ADGRA3: variants seen among roughly 807,000 people sequenced by gnomAD.
The protein encoded by ADGRA3 is adhesion G protein-coupled receptor A3.
In ADGRA3, 56 loss-of-function variants were observed where a neutral mutation model predicts 119.8. That is an observed-to-expected ratio of 0.47 (90% CI 0.38 to 0.58). The LOEUF is 0.58. Among genes scored for constraint, ADGRA3 ranks in the 20% least tolerant of loss-of-function variants. ADGRA3 has a pLI of 0.00. For missense variants in ADGRA3, 1,516 were observed against 1,649.0 expected, an observed-to-expected ratio of 0.92 and a Z score of 1.40; for synonymous variants, 607 against 623.8, an observed-to-expected ratio of 0.97 and a Z score of 0.40.
chr4:22,424,321 T>C lies in ADGRA3; in HGVS notation c.1475A>G (p.Asn492Ser). ...GACACGTTCATCAGCCAACATGATG[T>C]TACTTGCAATGTCAACCATCACGTC... Reference protein sequence around the residue: ...LGDVMVDIASNIMLADERVLW... With the variant: ...LGDVMVDIASSIMLADERVLW... Residue 492 changes from asparagine (N) to serine (S), a missense_variant, in exon 11 of 19, where the codon AAC becomes AGC. This residue lies in a region of ADGRA3 where 1,088 missense variants were observed against 1,107.1 expected (regional missense o/e 0.98). Coordinates refer to ENST00000334304, the MANE Select transcript of ADGRA3 (RefSeq NM_145290.4). 6.2e-7 allele frequency: 1 copy of C among 1,613,748 alleles called. No individual in the cohort carries two copies.
intron 6 of ADGRA3, 138 bp from the exon 7 acceptor site, chr4:22,443,001 T>A: frequency 1.4e-6 from 1 of 707,384 alleles, no homozygotes; most frequent in South Asian, 1.7e-5. Flanking sequence ...ACTGCTAGTA[T>A]CAACCAGGCT....
chr4:22,407,724 G>T (rs1026747961), intron 14 of ADGRA3, among the ~76,000 whole-genome samples: 2 of 152,130 alleles, frequency 1.3e-5, no homozygotes, highest in Admixed American at 1.3e-4. Flanking sequence ...TCACAAAGAT[G>T]ATCATTACTA....
chr4:22,479,285 A>G (rs1718165006), intron 1 of ADGRA3, among the ~76,000 whole-genome samples: 1 of 152,112 alleles, frequency 6.6e-6, no homozygotes, highest in African/African-American at 2.4e-5. Context: ...AACACAGTGA[A>G]ACACCATCTC....
intron 16 of ADGRA3, among the ~76,000 whole-genome samples, chr4:22,399,111 C>T (rs1011866075): frequency 1.4e-4 from 22 of 152,156 alleles, no homozygotes; most frequent in Non-Finnish European, 4.4e-5. Context: ...TCCATGACCC[C>T]CATGCTGTTG....
chr4:22,473,403 G>A (rs1257758228), intron 2 of ADGRA3, among the ~76,000 whole-genome samples: 1 of 152,104 alleles, frequency 6.6e-6, no homozygotes, highest in African/African-American at 2.4e-5. Flanking sequence ...ACAAAGTATG[G>A]TCCATGACCT....
At chr4:22,460,766 G>C (rs1294576240) in intron 3 of ADGRA3, among the ~76,000 whole-genome samples, 1 of 152,146 alleles carries the variant, frequency 6.6e-6, no homozygotes, top group East Asian at 1.9e-4. Flanking sequence ...GAAATTAGAA[G>C]GGTAGAGGGA....
rs990863565 is a variant in ADGRA3 at position 22,465,899 on chromosome 4, T to C, written c.330-4091A>G. Among the ~76,000 whole-genome samples, 8 of 152,146 alleles carry C rather than the reference T, an allele frequency of 5.3e-5. No individual in the cohort carries two copies. In the East Asian group the frequency reaches 5.8e-4, roughly 11 times the overall value. On this transcript the variant is annotated intron_variant, in intron 2 of 18. Coordinates refer to ENST00000334304, the MANE Select transcript of ADGRA3 (RefSeq NM_145290.4). Reference sequence around the variant, plus strand: ...ACTTTCTTTCAACTTCTCCATATGTTTGAAAAACTAAGTTATTTTATGTGG... The same window carrying C: ...ACTTTCTTTCAACTTCTCCATATGTCTGAAAAACTAAGTTATTTTATGTGG...
chr4:22,487,735 T>C (rs1006972624), intron 1 of ADGRA3, among the ~76,000 whole-genome samples: 2 of 152,202 alleles, frequency 1.3e-5, no homozygotes. Flanking sequence ...GCCAAATGCA[T>C]TCGGCAAGCA....
At chr4:22,512,600 G>C (rs980955400) in intron 1 of ADGRA3, among the ~76,000 whole-genome samples, 13 of 152,224 alleles carry the variant, frequency 8.5e-5, no homozygotes, top group African/African-American at 2.9e-4. Flanking sequence ...ATAAGAGAAA[G>C]GAGAGGACTT....
intron 12 of ADGRA3, among the ~76,000 whole-genome samples, chr4:22,417,283 T>C (rs1371430574): frequency 6.6e-6 from 1 of 152,214 alleles, no homozygotes; most frequent in East Asian, 1.9e-4. Flanking sequence ...TTAGTTACTC[T>C]GGGCTTGGAA....
At chr4:22,434,820 T>A (rs565845494) in intron 10 of ADGRA3, among the ~76,000 whole-genome samples, 1 of 152,304 alleles carries the variant, frequency 6.6e-6, no homozygotes, top group East Asian at 1.9e-4. Flanking sequence ...ATTCACTGCA[T>A]TTTTTAAAAC....
chr4:22,436,755 G>C, intron 8 of ADGRA3, 114 bp from the exon 9 acceptor site: 2 of 833,718 alleles, frequency 2.4e-6, no homozygotes, highest in Non-Finnish European at 3.8e-6. Context: ...ATACAACCCT[G>C]ACACGGGTCA....
chr4:22,491,897 C>T (rs1057485958), intron 1 of ADGRA3, among the ~76,000 whole-genome samples: 19 of 152,114 alleles, frequency 1.2e-4, no homozygotes, highest in Admixed American at 1.2e-3. Flanking sequence ...ATGAGAAGAA[C>T]GGATTTCTTT....
Position 22,444,681 on chromosome 4 carries a change from C to T in ADGRA3, c.706+292G>A, listed in dbSNP as rs79130824. On this transcript the variant is annotated intron_variant, in intron 6 of 18. Transcript: ENST00000334304. ...GATTGTGTTACTACAGACAAATTCA[C>T]GAGTTGCCAACTGATGGAAAATCTG... Among the ~76,000 whole-genome samples, 149 of 152,024 alleles carry T rather than the reference C, an allele frequency of 9.8e-4. 1 individual carries two copies. The East Asian group carries it at 0.028, about 28-fold the overall frequency.
Position 22,391,134 on chromosome 4 carries a change from C to T in ADGRA3, c.2627+1411G>A, listed in dbSNP as rs190247421. Among the ~76,000 whole-genome samples, 177 of 152,240 alleles carry T rather than the reference C, an allele frequency of 1.2e-3. 2 individuals carry two copies. Among genetic ancestry groups the T allele is most frequent in the Admixed American group, 2.0e-4 (3 of 15,296 alleles). On this transcript the variant is annotated intron_variant, in intron 17 of 18. Coordinates refer to ENST00000334304, the MANE Select transcript of ADGRA3 (RefSeq NM_145290.4). ...GTATCGTTCTTTTCTTAACTAACTT[C>T]TCCCTGGGAGTTCCTATTCATTATC...
intron 14 of ADGRA3, among the ~76,000 whole-genome samples, chr4:22,408,381 T>A (rs1207592038): frequency 6.6e-6 from 1 of 151,962 alleles, no homozygotes; most frequent in Non-Finnish European, 1.5e-5. Context: ...AGAAGATGTA[T>A]GCAACACATA....
chr4:22,484,605 CA>C (rs200272320), intron 1 of ADGRA3, among the ~76,000 whole-genome samples: 17,726 of 98,670 alleles, frequency 0.18, 991 homozygotes, highest in Middle Eastern at 0.32. Context: ...ACCCTGTTTC[CA>C]AAAAAAAAAA....
At position 22,388,568 on chromosome 4, in the gene ADGRA3, T is replaced by C. The variant is rs1713953334; in HGVS notation, c.3103A>G (p.Ser1035Gly). ...LVFSFVFGAT[S>G]LSFSAFFVVH... is the part of the protein sequence containing the mutation. ...ACGAAGAACGCACTGAAGCTTAAAC[T>C]TGTGGCTCCAAAAACGAAGCTAAAA... Residue 1035 changes from serine (S) to glycine (G), a missense_variant, in exon 19 of 19, where the codon AGT becomes GGT. Around this residue, in one of 2 missense-constraint regions of ADGRA3, gnomAD observed 1,088 missense variants for 1,107.1 expected, o/e 0.98. Transcript: ENST00000334304. The C allele has an allele frequency of 1.2e-5, 19 of 1,614,026 alleles. No homozygotes were observed. The highest frequency in any genetic ancestry group is 2.2e-5 in the East Asian group (1 of 44,858).
At chr4:22,478,396 A>G (rs1560337645) in intron 1 of ADGRA3, among the ~76,000 whole-genome samples, 1 of 152,188 alleles carries the variant, frequency 6.6e-6, no homozygotes, top group Non-Finnish European at 1.5e-5. Flanking sequence ...TGTTGACAAC[A>G]CTCACACCTT....
Sources: allele counts gnomAD v4.1 joint callset (sites outside exome capture counted in the v4.1 genomes callset), GRCh38; gene constraint gnomAD v4.1.1; regional missense constraint gnomAD v4.1.1; transcripts MANE v1.5; gene names NCBI Gene and HGNC (gene_info 2026-07-23, HGNC 2026-07-21).